Variants in DCAF10 observed in about 807,000 individuals in gnomAD.
The protein encoded by DCAF10 is DDB1 and CUL4 associated factor 10.
DCAF10 carries 19 observed loss-of-function variants against 51.9 expected under a neutral mutation model. The ratio of observed to expected loss-of-function variants is 0.37; its 90% CI spans 0.26 to 0.54. The LOEUF (loss-of-function observed/expected upper bound fraction) is 0.54, where lower values mean the gene tolerates loss of function less well. Ranked by LOEUF, DCAF10 falls within the 20% of genes least tolerant of loss-of-function variation. DCAF10 has a pLI of 0.87. For synonymous variants in DCAF10, 291 were observed against 297.1 expected (o/e 0.98, Z 0.21); for missense variants, 510 against 730.6 (o/e 0.70, Z 3.48).
intron 2 of DCAF10, among the ~76,000 whole-genome samples, chr9:37,828,027 G>A (rs574854107): frequency 6.6e-6 from 1 of 152,038 alleles, no homozygotes; most frequent in Non-Finnish European, 1.5e-5. Context: ...GGGACTATAG[G>A]TGTGTGGCAC....
chr9:37,828,079 G>C (rs1829904639), intron 2 of DCAF10, among the ~76,000 whole-genome samples: 1 of 151,750 alleles, frequency 6.6e-6, no homozygotes, highest in Non-Finnish European at 1.5e-5. Context: ...GTAGAGACAG[G>C]GTCTTGCTAT....
intron 4 of DCAF10, among the ~76,000 whole-genome samples, 175 bp from the exon 5 acceptor site, chr9:37,857,066 A>C (rs1277913992): frequency 6.6e-6 from 1 of 152,188 alleles, no homozygotes; most frequent in Admixed American, 6.5e-5. Flanking sequence ...TCAGAAAGGG[A>C]CTAGATCTTA....
chr9:37,831,146 G>A (rs1035557935), intron 2 of DCAF10, among the ~76,000 whole-genome samples: 20 of 152,288 alleles, frequency 1.3e-4, no homozygotes, highest in African/African-American at 4.8e-4. Context: ...GAACCCAGGA[G>A]GCAGAGGTTG....
chr9:37,845,332 G>A (rs184407634), intron 3 of DCAF10, among the ~76,000 whole-genome samples: 22 of 152,160 alleles, frequency 1.4e-4, no homozygotes, highest in Admixed American at 1.4e-3. Flanking sequence ...TAATTGAATA[G>A]GCAATTCTCT....
In DCAF10 at chr9:37,860,150, G is replaced by T. The variant is rs746953566; in HGVS notation, c.1268G>T (p.Trp423Leu). 6.2e-7 allele frequency: 1 copy of T among 1,614,116 alleles called. No individual in the cohort carries two copies. Among genetic ancestry groups the T allele is most frequent in the Non-Finnish European group, 8.5e-7 (1 of 1,180,002 alleles). Residue 423 changes from tryptophan to leucine, a missense_variant, in exon 6 of 7, where the codon TGG (tryptophan) becomes TTG (leucine). Physicochemically the swap from Trp to Leu is moderately conservative, Grantham distance 61 (BLOSUM62 -2). This residue lies in a region of DCAF10 where 104 missense variants were observed against 206.2 expected (regional missense o/e 0.50). Transcript: ENST00000377724. ...TCCTTACAGCTGCACCCAAAAGGCTGGGCCACTCTTCTTCGGTGCTCAAGC... is the reference window on the plus strand; with the variant it reads ...TCCTTACAGCTGCACCCAAAAGGCTTGGCCACTCTTCTTCGGTGCTCAAGC... The part of the protein sequence containing the change: ...ITSLQLHPKG[W>L]ATLLRCSSNS...
At chr9:37,800,565 G>A, upstream of DCAF10, 1 of 1,535,642 alleles carries the variant, frequency 6.5e-7, no homozygotes, top group Non-Finnish European at 8.7e-7. Context: ...CTCATCCCCA[G>A]GCACGCGGCC....
Position 37,856,636 on chromosome 9 carries a change from TTA to T in DCAF10, c.1055-603_1055-602del, listed in dbSNP as rs562851615. 3.3e-5 allele frequency among the ~76,000 whole-genome samples: 5 copies of T among 152,276 alleles called. No individual in the cohort carries two copies. The East Asian group carries it at 9.7e-4, about 29-fold the overall frequency. On this transcript the variant is annotated intron_variant, in intron 4 of 6. Transcript: ENST00000377724. ...CATTTTATTTTTTTCAATGTAAACT[TTA>T]TGTCACATTTCACAGTATTCACATA...
intron 5 of DCAF10, among the ~76,000 whole-genome samples, chr9:37,859,770 C>T (rs1830959035): frequency 6.6e-6 from 1 of 152,104 alleles, no homozygotes; most frequent in African/African-American, 2.4e-5. Flanking sequence ...TAAAAGAACC[C>T]CTAGTCAGCT....
rs1829947934 is a variant in DCAF10, at chr9:37,829,522, T to A, written c.653+10121T>A. Among the ~76,000 whole-genome samples the A allele has an allele frequency of 6.6e-6, 1 of 152,196 alleles. No individual in the cohort carries two copies. The highest frequency in any genetic ancestry group is 1.5e-5 in the Non-Finnish European group (1 of 68,038). ...CAGAAAGATGTTCAAGCTTATCATT[T>A]ATTATGGAAGTACAAATAAAAATAA... On this transcript the variant is annotated intron_variant, in intron 2 of 6. Coordinates refer to ENST00000377724, the MANE Select transcript of DCAF10 (RefSeq NM_024345.5). The surrounding 1 kb of genome is among the most constrained non-coding windows in gnomAD (Gnocchi z 4.2).
intron 2 of DCAF10, among the ~76,000 whole-genome samples, chr9:37,820,354 T>G (rs546818452): frequency 3.9e-5 from 6 of 152,346 alleles, no homozygotes; most frequent in African/African-American, 1.4e-4. Flanking sequence ...AGTCTAGCAC[T>G]GACAGCTAGT....
chr9:37,812,562 T>C (rs1053378921), intron 1 of DCAF10, among the ~76,000 whole-genome samples: 1 of 152,202 alleles, frequency 6.6e-6, no homozygotes, highest in Admixed American at 6.5e-5. Flanking sequence ...AGGAAAAAGG[T>C]GGAAGATCAG....
upstream of DCAF10, chr9:37,800,638 G>T: frequency 6.5e-7 from 1 of 1,536,102 alleles, no homozygotes. Flanking sequence ...ATGCTCAGTC[G>T]CTCACACAGG....
intron 2 of DCAF10, among the ~76,000 whole-genome samples, chr9:37,830,456 G>T (rs1394120479): frequency 1.3e-5 from 2 of 152,178 alleles, no homozygotes; most frequent in East Asian, 3.9e-4. Flanking sequence ...AGTGTTTATG[G>T]TTACATACAT....
At position 37,817,104 on chromosome 9, in the gene DCAF10, T is replaced by G. The variant is rs369153332; in HGVS notation, c.540-2184T>G. Among the ~76,000 whole-genome samples, 5 of 152,308 alleles carry G rather than the reference T, an allele frequency of 3.3e-5. No homozygotes were observed. The East Asian group carries it at 5.8e-4, about 18-fold the overall frequency. The stretch of plus-strand genomic sequence containing the variant: ...CTTGTATGTAGTGAAGATGGCATTA[T>G]AAACCAATGTAAATAAGATCAGCCT... On this transcript the variant is annotated intron_variant, in intron 1 of 6. Transcript: ENST00000377724.
rs1831135189 is a variant in DCAF10 at position 37,866,283 on chromosome 9, AT to A, written c.*4776del. The A allele has an allele frequency of 6.6e-6, 1 of 152,668 alleles. No individual in the cohort carries two copies. Among genetic ancestry groups the A allele is most frequent in the Non-Finnish European group, 1.5e-5 (1 of 68,042 alleles). 9.5% of individuals were successfully genotyped at this position (152,668 alleles called of 1,614,324 possible). A position where few individuals can be genotyped will look rare whatever the true frequency, so the allele number is the denominator to read the frequency against. On this transcript the variant is annotated 3_prime_UTR_variant, in exon 7 of 7. Coordinates refer to ENST00000377724, the MANE Select transcript of DCAF10 (RefSeq NM_024345.5). ...CTTCTTCTTAAACATCATGCTCAGT[AT>A]AATTCACATTTTCATGATGAAAAGT... is the stretch of plus-strand genomic sequence containing the variant.
At chr9:37,830,924 C>A (rs1169364144) in intron 2 of DCAF10, among the ~76,000 whole-genome samples, 2 of 152,194 alleles carry the variant, frequency 1.3e-5, no homozygotes, top group African/African-American at 2.4e-5. Context: ...TAGAAGTATA[C>A]ATAACTTAAG....
chr9:37,800,597 A>C (rs1203685650), upstream of DCAF10: 4 of 1,536,048 alleles, frequency 2.6e-6, no homozygotes, highest in Non-Finnish European at 3.5e-6. Context: ...ACAACTACAG[A>C]CCGACTCTGC....
rs1484961156 is a variant in DCAF10, at chr9:37,863,040, C to T, written c.*1532C>T. On this transcript the variant is annotated 3_prime_UTR_variant, in exon 7 of 7. Transcript: ENST00000377724. Reference sequence around the variant, plus strand: ...ACCTTAATCAGCAGTAAATTCTTCTCTACTCGGCCAGGCGCAGTGGCTCAT... The same window carrying T: ...ACCTTAATCAGCAGTAAATTCTTCTTTACTCGGCCAGGCGCAGTGGCTCAT... The T allele has an allele frequency of 6.6e-6, 1 of 152,184 alleles. No homozygotes were observed. Among genetic ancestry groups the T allele is most frequent in the Non-Finnish European group, 1.5e-5 (1 of 68,072 alleles). The allele number at this position is 152,184 out of a possible 1,614,324, so 9.4% of individuals were successfully genotyped here.
chr9:37,830,008 GAATA>G (rs980764324), intron 2 of DCAF10, among the ~76,000 whole-genome samples: 1 of 151,974 alleles, frequency 6.6e-6, no homozygotes, highest in African/African-American at 2.4e-5. Context: ...GTCTCTTAAA[GAATA>G]AAGAAGAAGA....
Sources: gnomAD v4.1 joint callset for allele counts (sites outside exome capture counted in the v4.1 genomes callset) on GRCh38, gnomAD v4.1.1 for gene constraint, gnomAD v4.1.1 regional missense constraint, Gnocchi (gnomAD v3.1) non-coding constraint, MANE v1.5 for transcripts, NCBI Gene and HGNC (gene_info 2026-07-23, HGNC 2026-07-21) for gene names.